ATP6V1G3: variants seen among roughly 807,000 people sequenced by gnomAD.
The protein encoded by ATP6V1G3 is ATPase H+ transporting V1 subunit G3, also known as V-type proton ATPase subunit G 3.
ATP6V1G3 carries 9 observed loss-of-function variants against 9.3 expected under a neutral mutation model. The observed-to-expected ratio is 0.97, with a 90% CI of 0.59 to 1.69. ATP6V1G3 has a LOEUF of 1.69. ATP6V1G3 is among the 40% of genes most tolerant of loss of function. The pLI, the probability that ATP6V1G3 is intolerant of heterozygous loss-of-function variation, is 0.00. For missense variants in ATP6V1G3, 133 were observed against 139.0 expected (o/e 0.96, Z 0.22); for synonymous variants, 43 against 43.8 (o/e 0.98, Z 0.07).
At chr1:198,527,312 A>G (rs1659694565) in intron 2 of ATP6V1G3, among the ~76,000 whole-genome samples, 1 of 152,156 alleles carries the variant, frequency 6.6e-6, no homozygotes, top group Non-Finnish European at 1.5e-5. Context: ...CTTTTGATCA[A>G]ATAACTGTAA....
At chr1:198,536,000 T>C (rs1008778349) in intron 1 of ATP6V1G3, among the ~76,000 whole-genome samples, 2 of 66,432 alleles carry the variant, frequency 3.0e-5, no homozygotes, top group Admixed American at 1.4e-4. Flanking sequence ...AAAATTTACA[T>C]TTTTTTTTGC....
At position 198,536,744 on chromosome 1, in the gene ATP6V1G3, C is replaced by A. The variant is rs201896475; in HGVS notation, c.82+3825G>T. The A allele has an allele frequency of 1.9e-6, 3 of 1,581,594 alleles. No homozygotes were observed. In the South Asian group the frequency reaches 3.3e-5, roughly 18 times the overall value. ...GCAGAACTTACAGCAGGGGTAAAAA[C>A]AAATGGAATGAGATCATTCTAGTCT... On this transcript the variant is annotated intron_variant, in intron 1 of 2. Coordinates refer to ENST00000367382, the MANE Select transcript of ATP6V1G3 (RefSeq NM_001376861.1).
At chr1:198,532,787 G>C (rs555447172) in intron 1 of ATP6V1G3, among the ~76,000 whole-genome samples, 1 of 152,290 alleles carries the variant, frequency 6.6e-6, no homozygotes, top group South Asian at 2.1e-4. Context: ...AGGCCCTGAG[G>C]TGGGAGGATA....
At chr1:198,524,159 G>A (rs1659564301) in intron 2 of ATP6V1G3, among the ~76,000 whole-genome samples, 1 of 136,486 alleles carries the variant, frequency 7.3e-6, no homozygotes, top group Admixed American at 7.7e-5. Flanking sequence ...GGTTCTCACT[G>A]TGTCGCCCAG....
At chr1:198,523,593 A>T (rs1659536857) in intron 2 of ATP6V1G3, 29 bp from the exon 3 acceptor site, 3 of 1,590,856 alleles carry the variant, frequency 1.9e-6, no homozygotes, top group Non-Finnish European at 2.6e-6. Context: ...CAGAATTCAC[A>T]TCATAATACA....
chr1:198,527,382 C>G (rs1440646248), intron 2 of ATP6V1G3, among the ~76,000 whole-genome samples: 1 of 151,890 alleles, frequency 6.6e-6, no homozygotes, highest in Non-Finnish European at 1.5e-5. Flanking sequence ...TAATTATTAA[C>G]CAAAGCAGAA....
intron 2 of ATP6V1G3, among the ~76,000 whole-genome samples, chr1:198,528,144 T>C (rs2103132717): frequency 6.6e-6 from 1 of 152,248 alleles, no homozygotes; most frequent in Admixed American, 6.6e-5. Context: ...CTTTAGGATT[T>C]CTTGTTTGCA....
chr1:198,523,736 C>T (rs188111972), intron 2 of ATP6V1G3, among the ~76,000 whole-genome samples, 172 bp from the exon 3 acceptor site: 30 of 152,290 alleles, frequency 2.0e-4, no homozygotes, highest in Admixed American at 1.8e-3. Context: ...GAAGGATGAA[C>T]TTTCATAAAA....
intron 1 of ATP6V1G3, among the ~76,000 whole-genome samples, chr1:198,538,173 G>T (rs1660195627): frequency 6.6e-6 from 1 of 152,036 alleles, no homozygotes; most frequent in Non-Finnish European, 1.5e-5. Flanking sequence ...CATGAACAAA[G>T]ACATGGTAGA....
chr1:198,530,799 A>T (rs1426489046), intron 1 of ATP6V1G3, among the ~76,000 whole-genome samples: 2 of 152,100 alleles, frequency 1.3e-5, no homozygotes, highest in Admixed American at 6.6e-5. Flanking sequence ...CTATTCCTTG[A>T]TCTCCAACCC....
At chr1:198,527,514 G>A (rs988327304) in intron 2 of ATP6V1G3, among the ~76,000 whole-genome samples, 9 of 151,924 alleles carry the variant, frequency 5.9e-5, no homozygotes, top group African/African-American at 1.7e-4. Context: ...CTTAAAAAAC[G>A]GAAATAATTA....
chr1:198,524,209 T>C (rs1486831199), intron 2 of ATP6V1G3, among the ~76,000 whole-genome samples: 2 of 151,178 alleles, frequency 1.3e-5, no homozygotes, highest in Non-Finnish European at 2.9e-5. Context: ...ACTGCAACCT[T>C]CGCCTCCCAG....
intron 1 of ATP6V1G3, among the ~76,000 whole-genome samples, chr1:198,539,743 G>A: frequency 6.6e-6 from 1 of 152,178 alleles, no homozygotes; most frequent in Admixed American, 6.5e-5. Context: ...CAATGAGCAT[G>A]GTGCCTGGCA....
intron 2 of ATP6V1G3, among the ~76,000 whole-genome samples, chr1:198,524,286 T>A (rs1289296835): frequency 6.6e-6 from 1 of 151,856 alleles, no homozygotes; most frequent in African/African-American, 2.4e-5. Context: ...CATGATACCC[T>A]GCTAATTTTT....
intron 1 of ATP6V1G3, among the ~76,000 whole-genome samples, chr1:198,540,113 A>G (rs576022681): frequency 3.9e-4 from 60 of 152,306 alleles, no homozygotes; most frequent in African/African-American, 1.4e-3. Flanking sequence ...AAATGAAAAT[A>G]TTTTAAAATA....
chr1:198,540,630 C>G lies in ATP6V1G3; in HGVS notation c.21G>C (p.Gly7=), dbSNP rs777656108. MTSQSQ[G]IHQLLQAEKR... The stretch of plus-strand genomic sequence containing the variant: ...TTTCTGCCTGAAGAAGCTGGTGGAT[C>G]CCCTGAGACTGGCTTGTCATGGTAG... The change falls in exon 1 of 3, where the codon GGG becomes GGC. Residue 7 remains glycine (G), a synonymous_variant. Coordinates refer to ENST00000367382, the MANE Select transcript of ATP6V1G3 (RefSeq NM_001376861.1). The G allele has an allele frequency of 1.3e-5, 21 of 1,614,066 alleles. No individual in the cohort carries two copies. The highest frequency in any genetic ancestry group is 1.8e-5 in the Non-Finnish European group (21 of 1,179,956).
At chr1:198,540,886 A>G (rs772094121), upstream of ATP6V1G3, 31 of 562,942 alleles carry the variant, frequency 5.5e-5, no homozygotes, top group Non-Finnish European at 8.6e-5. Flanking sequence ...ATTTCTGCCA[A>G]TCTTAGCTCT....
intron 2 of ATP6V1G3, 104 bp from the exon 3 acceptor site, chr1:198,523,668 T>A (rs748403762): frequency 4.9e-5 from 51 of 1,050,498 alleles, no homozygotes; most frequent in Admixed American, 1.2e-4. Flanking sequence ...TGCACAATTA[T>A]GTACTCCTTT....
chr1:198,539,138 C>CT (rs1660247067), intron 1 of ATP6V1G3, among the ~76,000 whole-genome samples: 1 of 152,054 alleles, frequency 6.6e-6, no homozygotes, highest in African/African-American at 2.4e-5. Flanking sequence ...GGAGTCATTC[C>CT]TTTTATGTTG....
Sources: allele counts gnomAD v4.1 joint callset (sites outside exome capture counted in the v4.1 genomes callset), GRCh38; gene constraint gnomAD v4.1.1; transcripts MANE v1.5; gene names NCBI Gene and HGNC (gene_info 2026-07-23, HGNC 2026-07-21).